Variants in BCOR observed in about 807,000 individuals in gnomAD.
The protein encoded by BCOR is BCL6 corepressor.
Under a neutral mutation model 86.7 loss-of-function variants are expected in BCOR, and 10 were observed. That is an observed-to-expected ratio of 0.12 (90% CI 0.07 to 0.20). The LOEUF is 0.20. Among genes scored for constraint, BCOR ranks in the 10% least tolerant of loss-of-function variants. BCOR has a pLI of 1.00. For synonymous variants in BCOR, 611 were observed against 609.0 expected (o/e 1.00, Z -0.05); for missense variants, 1,259 against 1,452.1 (o/e 0.87, Z 2.16).
At chrX:40,176,608 C>G (rs965389620) in intron 1 of BCOR, among the ~76,000 whole-genome samples, 1 of 111,488 alleles carries the variant, frequency 9.0e-6, no homozygotes, top group Non-Finnish European at 1.9e-5. Context: ...AACGATTCCT[C>G]GTCCGGCCCG....
chrX:40,081,077 C>T (rs1354165342), intron 1 of BCOR, among the ~76,000 whole-genome samples: 3 of 111,391 alleles, frequency 2.7e-5, no homozygotes, highest in South Asian at 3.8e-4. Context: ...CAAACAGCGG[C>T]GCCACTGCCA....
At chrX:40,095,912 G>T (rs5963738) in intron 1 of BCOR, among the ~76,000 whole-genome samples, 30,350 of 111,520 alleles carry the variant, frequency 0.27, 5,468 homozygotes, top group African/African-American at 0.65. Context: ...CCCCGGGAAG[G>T]GCCCACTCGA....
At chrX:40,070,929 C>T (rs1353552164) in intron 6 of BCOR, 44 bp downstream of exon 6, 8 of 1,174,809 alleles carry the variant, frequency 6.8e-6, no homozygotes, top group Non-Finnish European at 9.3e-6. Context: ...CAGATGCCAA[C>T]CGGACCTGAG....
intron 1 of BCOR, among the ~76,000 whole-genome samples, chrX:40,166,507 C>G (rs1387336961): frequency 9.0e-6 from 1 of 111,631 alleles, no homozygotes; most frequent in Non-Finnish European, 1.9e-5. Context: ...ACCCACACAC[C>G]TGGCAGGAAT....
At chrX:40,174,527 C>T (rs987171260) in intron 1 of BCOR, among the ~76,000 whole-genome samples, 6 of 112,830 alleles carry the variant, frequency 5.3e-5, no homozygotes, top group African/African-American at 1.6e-4. Context: ...TACCCAGCAG[C>T]GTGTACGCAG....
chrX:40,106,859 C>G (rs960440928), intron 1 of BCOR, among the ~76,000 whole-genome samples: 1 of 110,771 alleles, frequency 9.0e-6, no homozygotes, highest in East Asian at 2.8e-4. Flanking sequence ...CGCTCCCTCC[C>G]ACTCCCCCTC....
chrX:40,080,568 G>A (rs969725637), intron 1 of BCOR, among the ~76,000 whole-genome samples: 5 of 111,725 alleles, frequency 4.5e-5, no homozygotes, highest in African/African-American at 1.6e-4. Context: ...GAAAAGGCCA[G>A]CAGCTGCTTC....
intron 1 of BCOR, among the ~76,000 whole-genome samples, chrX:40,137,583 T>TAAA (rs772086968): frequency 3.7e-5 from 3 of 80,503 alleles, no homozygotes; most frequent in African/African-American, 2.3e-4. Flanking sequence ...TAAAATAAAA[T>TAAA]ATAAAATAAA....
intron 1 of BCOR, among the ~76,000 whole-genome samples, chrX:40,146,270 T>C (rs1332817531): frequency 1.8e-5 from 2 of 111,283 alleles, no homozygotes; most frequent in Admixed American, 1.9e-4. Flanking sequence ...GGGAGCCCGG[T>C]GCCTCCCCCC....
chrX:40,166,697 T>C (rs933259915), intron 1 of BCOR, among the ~76,000 whole-genome samples: 1 of 112,173 alleles, frequency 8.9e-6, no homozygotes, highest in African/African-American at 3.2e-5. Flanking sequence ...TATTGAAGCC[T>C]GTTAAAGGGC....
intron 1 of BCOR, among the ~76,000 whole-genome samples, chrX:40,136,838 C>A (rs112868660): frequency 0.01 from 1,172 of 112,141 alleles, 14 homozygotes; most frequent in African/African-American, 0.036. Context: ...AATATGCAAA[C>A]AGGAGACCTC....
At chrX:40,115,623 A>G (rs182349743) in intron 1 of BCOR, among the ~76,000 whole-genome samples, 29 of 110,721 alleles carry the variant, frequency 2.6e-4, no homozygotes, top group African/African-American at 8.9e-4. Context: ...CTAAAAATAA[A>G]AAAATTAGCT....
chrX:40,109,471 C>A lies in BCOR; in HGVS notation c.-40-31502G>T, dbSNP rs1937259553. Among the ~76,000 whole-genome samples the A allele has an allele frequency of 2.7e-5, 3 of 112,524 alleles. No individual in the cohort carries two copies. In the South Asian group the frequency reaches 1.1e-3, roughly 40 times the overall value. On this transcript the variant is annotated intron_variant, in intron 1 of 14. Transcript: ENST00000342274. ...AAACTCCAGAGCGGGCGGCCAGGTA[C>A]CCAGCCTCGCTCGCCATGGCCGGCG...
chrX:40,136,436 A>C (rs924174680), intron 1 of BCOR, among the ~76,000 whole-genome samples: 30 of 112,252 alleles, frequency 2.7e-4, no homozygotes, highest in African/African-American at 9.1e-4. Context: ...ACAACCTACC[A>C]TCTAAAAGAA....
At chrX:40,126,102 G>A (rs1002966814) in intron 1 of BCOR, among the ~76,000 whole-genome samples, 6 of 110,053 alleles carry the variant, frequency 5.5e-5, no homozygotes, top group Non-Finnish European at 1.1e-4. Context: ...TGTAGTCCCA[G>A]CTACTCGGGA....
intron 1 of BCOR, among the ~76,000 whole-genome samples, chrX:40,176,535 G>A (rs753024720): frequency 1.5e-4 from 17 of 112,832 alleles, no homozygotes; most frequent in Admixed American, 2.8e-4. Flanking sequence ...CGCCCTCGCA[G>A]CCTCCGCGTC....
chrX:40,051,862 CG>C lies in BCOR; in HGVS notation c.*246del. 1 of 290,240 alleles carries C rather than the reference CG, an allele frequency of 3.4e-6. No homozygotes were observed. The highest frequency in any genetic ancestry group is 6.0e-6 in the Non-Finnish European group (1 of 165,816). 23.9% of individuals were successfully genotyped at this position (290,240 alleles called of 1,213,427 possible). ...AACAAATGTTCCAAGTAAAAACAAA[CG>C]TATCCCAAAGCATGTGTGCATTGAA... On this transcript the variant is annotated 3_prime_UTR_variant, in exon 15 of 15. Transcript: ENST00000378444.
chrX:40,139,735 A>C (rs3935331), intron 1 of BCOR, among the ~76,000 whole-genome samples: 33,768 of 99,662 alleles, frequency 0.34, 6,844 homozygotes, highest in African/African-American at 0.73. Flanking sequence ...CGCTTGAACC[A>C]GGTAGGCAGA....
chrX:40,091,899 G>A (rs1263625990), intron 1 of BCOR, among the ~76,000 whole-genome samples: 2 of 108,136 alleles, frequency 1.8e-5, no homozygotes, highest in Non-Finnish European at 3.8e-5. Context: ...TTTGGGCGAG[G>A]CCCCCACCGG....
Sources: allele counts gnomAD v4.1 joint callset (sites outside exome capture counted in the v4.1 genomes callset), GRCh38; gene constraint gnomAD v4.1.1; transcripts MANE v1.5; gene names NCBI Gene and HGNC (gene_info 2026-07-23, HGNC 2026-07-21).